Variants in CLUAP1 observed in about 807,000 individuals in gnomAD.
The protein encoded by CLUAP1 is intraflagellar transport 38.
A neutral mutation model predicts 55.0 loss-of-function variants in CLUAP1; 50 were observed. The ratio of observed to expected loss-of-function variants is 0.91; its 90% CI spans 0.72 to 1.15. CLUAP1 has a LOEUF of 1.15. Among genes scored for constraint, CLUAP1 ranks in the 50% most tolerant of loss-of-function variants. The pLI is 0.00. For missense variants in CLUAP1, 530 were observed against 507.6 expected (o/e 1.04, Z -0.42); for synonymous variants, 195 against 175.4 (o/e 1.11, Z -0.88).
At chr16:3,496,732 C>T (rs2037316157), upstream of CLUAP1, 1 of 526,238 alleles carries the variant, frequency 1.9e-6, no homozygotes, top group Admixed American at 2.0e-5. Flanking sequence ...AGTTCGAGCG[C>T]GCCAGAGGCC....
chr16:3,508,213 C>T, intron 3 of CLUAP1, 76 bp from the exon 4 acceptor site: 1 of 1,342,694 alleles, frequency 7.4e-7, no homozygotes, highest in African/African-American at 1.5e-5. Flanking sequence ...GCATTTTCAA[C>T]TCACCTACAT....
At chr16:3,523,109 C>T in intron 7 of CLUAP1, 49 bp from the exon 8 acceptor site, 3 of 1,503,040 alleles carry the variant, frequency 2.0e-6, no homozygotes, top group Non-Finnish European at 2.7e-6. Context: ...CCATTTCAAA[C>T]TACTGCATAT....
chr16:3,512,458 G>A lies in CLUAP1; in HGVS notation c.475G>A (p.Gly159Ser), dbSNP rs766241057. The A allele has an allele frequency of 7.4e-6, 12 of 1,613,536 alleles. No homozygotes were observed. The highest frequency in any genetic ancestry group is 5.3e-5 in the African/African-American group (4 of 74,900). ...SKGASLYDLL[G>S]MEVELREMRT... ...AGGAGCATCTCTGTATGACTTGCTC[G>A]GCATGGAAGTAGAGTTGAGGGTAAG... The change falls in exon 5 of 12, where the codon GGC becomes AGC. Residue 159 changes from glycine (G) to serine (S), a missense_variant. Gly to Ser is a moderately conservative substitution (Grantham distance 56). Transcript: ENST00000576634.
chr16:3,522,416 A>G (rs1487142258), intron 7 of CLUAP1, among the ~76,000 whole-genome samples: 1 of 152,192 alleles, frequency 6.6e-6, no homozygotes, highest in African/African-American at 2.4e-5. Flanking sequence ...CACCCGCCTC[A>G]GTCTCCCAAA....
At chr16:3,509,426 A>G (rs966662800) in intron 4 of CLUAP1, among the ~76,000 whole-genome samples, 1 of 152,184 alleles carries the variant, frequency 6.6e-6, no homozygotes, top group African/African-American at 2.4e-5. Context: ...TTTCCCGTCC[A>G]AAGGGTTGCT....
In CLUAP1 at chr16:3,529,673, T is replaced by TA. The variant is rs1177181722; in HGVS notation, c.929-894dup. ...TATTATTATATATTATATATTATTA[T>TA]ATATTATATATTATTATATATTATA... On this transcript the variant is annotated intron_variant, in intron 9 of 11. Transcript: ENST00000576634. Among the ~76,000 whole-genome samples the TA allele has an allele frequency of 3.2e-3, 53 of 16,358 alleles. 1 individual carries two copies. Among genetic ancestry groups the TA allele is most frequent in the African/African-American group, 0.031 (50 of 1,638 alleles). The allele number at this position is 16,358 out of a possible 152,430, so 10.7% of individuals were successfully genotyped here. A position where few individuals can be genotyped will look rare whatever the true frequency, so the allele number is the denominator to read the frequency against.
At chr16:3,501,312 A>C (rs1247501797) in intron 1 of CLUAP1, among the ~76,000 whole-genome samples, 2 of 152,356 alleles carry the variant, frequency 1.3e-5, no homozygotes, top group Admixed American at 1.3e-4. Context: ...TCTATCTGCC[A>C]CTGGCCGCGT....
At chr16:3,520,376 C>T (rs1433733164) in intron 7 of CLUAP1, among the ~76,000 whole-genome samples, 1 of 151,882 alleles carries the variant, frequency 6.6e-6, no homozygotes, top group Non-Finnish European at 1.5e-5. Flanking sequence ...AGTAACAGAA[C>T]AAGGCCCTGA....
Position 3,536,138 on chromosome 16 carries a change from G to A in CLUAP1, c.1109G>A (p.Ser370Asn). The A allele has an allele frequency of 6.2e-7, 1 of 1,614,186 alleles. No homozygotes were observed. The highest frequency in any genetic ancestry group is 8.5e-7 in the Non-Finnish European group (1 of 1,180,030). ...DSDDNEDSEE[S>N]EIDMEDDDDE... is the part of the protein sequence containing the mutation. ...TTCCTATAGGAGGACTCGGAGGAGA[G>A]TGAAATTGACATGGAAGATGATGAT... The change falls in exon 12 of 12, where the codon AGT becomes AAT. Residue 370 changes from serine to asparagine, a missense_variant. By Grantham distance (46) the Ser-to-Asn change is conservative. Coordinates refer to ENST00000576634, the MANE Select transcript of CLUAP1 (RefSeq NM_015041.3).
intron 3 of CLUAP1, among the ~76,000 whole-genome samples, chr16:3,506,699 C>T (rs1022301099): frequency 2.6e-5 from 4 of 151,972 alleles, no homozygotes; most frequent in Non-Finnish European, 5.9e-5. Context: ...GACTGGGTTT[C>T]ACCATGTTGG....
At chr16:3,523,921 G>A (rs2890116) in intron 8 of CLUAP1, among the ~76,000 whole-genome samples, 94,147 of 152,014 alleles carry the variant, frequency 0.62, 31,468 homozygotes, top group African/African-American at 0.87. Flanking sequence ...AGCCAAGATC[G>A]TGCCACTGTA....
chr16:3,506,004 A>G lies in CLUAP1; in HGVS notation c.135-327A>G, dbSNP rs138469852. Among the ~76,000 whole-genome samples the G allele has an allele frequency of 2.6e-4, 39 of 152,346 alleles. No homozygotes were observed. In the East Asian group the frequency reaches 6.6e-3, roughly 26 times the overall value. On this transcript the variant is annotated intron_variant, in intron 2 of 11. Transcript: ENST00000576634. ...ACTCTGCTGCTGCTTAGAGCTGACT[A>G]ATCGGCCCTAGCACTGATCTCTGAG...
intron 11 of CLUAP1, chr16:3,535,361 G>C (rs2151073716): frequency 6.5e-6 from 1 of 152,816 alleles, no homozygotes. Flanking sequence ...TGGAGAGGAA[G>C]GTGGGATTAC....
chr16:3,496,141 A>AG, upstream of CLUAP1: 1 of 150,880 alleles, frequency 6.6e-6, no homozygotes, highest in East Asian at 1.8e-4. Flanking sequence ...ACTCCGTCTC[A>AG]AAAAAAAAAA....
intron 9 of CLUAP1, among the ~76,000 whole-genome samples, chr16:3,527,192 T>C (rs957102209): frequency 1.3e-5 from 2 of 152,096 alleles, no homozygotes; most frequent in African/African-American, 2.4e-5. Context: ...AAAATAAGAA[T>C]AGTTATACTA....
At chr16:3,500,965 C>T, upstream of CLUAP1, 2 of 1,218,666 alleles carry the variant, frequency 1.6e-6, no homozygotes, top group African/African-American at 1.5e-5. Flanking sequence ...GACCGTGCGC[C>T]GTCCAAGGGT....
intron 7 of CLUAP1, among the ~76,000 whole-genome samples, chr16:3,520,591 C>T (rs1381593002): frequency 6.6e-6 from 1 of 152,076 alleles, no homozygotes; most frequent in Non-Finnish European, 1.5e-5. Flanking sequence ...CTTGAACTGC[C>T]CTTTAAGCTT....
chr16:3,506,973 G>C (rs1311022073), intron 3 of CLUAP1, among the ~76,000 whole-genome samples: 1 of 152,042 alleles, frequency 6.6e-6, no homozygotes, highest in African/African-American at 2.4e-5. Flanking sequence ...GAGGTGGGCG[G>C]ATCACGAGGT....
intron 10 of CLUAP1, among the ~76,000 whole-genome samples, chr16:3,532,367 C>CTTA (rs1452819902): frequency 1.6e-5 from 2 of 127,148 alleles, no homozygotes; most frequent in African/African-American, 2.9e-5. Context: ...AAAAACATTT[C>CTTA]TTATCTACCA....
Sources: gnomAD v4.1 joint callset for allele counts (sites outside exome capture counted in the v4.1 genomes callset) on GRCh38, gnomAD v4.1.1 for gene constraint, MANE v1.5 for transcripts, NCBI Gene and HGNC (gene_info 2026-07-23, HGNC 2026-07-21) for gene names.